ROBO2: variants seen among roughly 807,000 people sequenced by gnomAD.
ROBO2 encodes the protein roundabout homolog 2.
ROBO2 carries 53 observed loss-of-function variants against 160.8 expected under a neutral mutation model. That is an observed-to-expected ratio of 0.33 (90% CI 0.26 to 0.41). ROBO2 has a LOEUF of 0.41. Among genes scored for constraint, ROBO2 ranks in the 10% least tolerant of loss-of-function variants. ROBO2 has a pLI of 1.00. For synonymous variants in ROBO2, 664 were observed against 611.7 expected, an observed-to-expected ratio of 1.09 and a Z score of -1.26; for missense variants, 1,577 against 1,722.4, an observed-to-expected ratio of 0.92 and a Z score of 1.49.
intron 2 of ROBO2, among the ~76,000 whole-genome samples, chr3:76,401,504 C>T (rs1273191819): frequency 1.3e-5 from 2 of 151,426 alleles, no homozygotes; most frequent in East Asian, 3.9e-4. Flanking sequence ...TTGAAACAGG[C>T]TTTTAACAAA....
chr3:77,484,126 TA>T, intron 4 of ROBO2, among the ~76,000 whole-genome samples: 1 of 152,122 alleles, frequency 6.6e-6, no homozygotes, highest in Non-Finnish European at 1.5e-5. Flanking sequence ...GGTCATGAAA[TA>T]ACATCCTAAT....
intron 2 of ROBO2, among the ~76,000 whole-genome samples, chr3:77,246,740 C>T (rs765046228): frequency 6.6e-6 from 1 of 152,148 alleles, no homozygotes; most frequent in Non-Finnish European, 1.5e-5. Context: ...TGAAAGCTAT[C>T]AAGCAAGCAA....
chr3:76,962,877 A>G (rs2079776653), intron 2 of ROBO2, among the ~76,000 whole-genome samples: 1 of 152,170 alleles, frequency 6.6e-6, no homozygotes, highest in Non-Finnish European at 1.5e-5. Flanking sequence ...ACAGTCTCTG[A>G]CTTCTGCAAG....
chr3:76,194,353 A>ATAGATATATATAT (rs1553672736), intron 2 of ROBO2, among the ~76,000 whole-genome samples: 4 of 94,530 alleles, frequency 4.2e-5, no homozygotes, highest in Admixed American at 1.1e-4. Context: ...ATGGTGTGTA[A>ATAGATATATATAT]ATATATATAT....
At chr3:76,715,607 A>G (rs2093367032) in intron 2 of ROBO2, among the ~76,000 whole-genome samples, 2 of 152,212 alleles carry the variant, frequency 1.3e-5, no homozygotes, top group Non-Finnish European at 2.9e-5. Context: ...AATGTGTGTC[A>G]TGTGGAAAGC....
At chr3:76,693,109 A>G (rs2092842992) in intron 2 of ROBO2, among the ~76,000 whole-genome samples, 1 of 149,770 alleles carries the variant, frequency 6.7e-6, no homozygotes, top group Non-Finnish European at 1.5e-5. Context: ...ACATATCCCT[A>G]TATATGTATG....
chr3:75,992,860 GA>G (rs1444620510), intron 2 of ROBO2, among the ~76,000 whole-genome samples: 1 of 152,192 alleles, frequency 6.6e-6, no homozygotes, highest in Non-Finnish European at 1.5e-5. Flanking sequence ...AGTCAAAGGA[GA>G]TCACTTTGGA....
intron 2 of ROBO2, among the ~76,000 whole-genome samples, chr3:76,560,791 A>C (rs2108487397): frequency 6.6e-6 from 1 of 150,692 alleles, no homozygotes; most frequent in African/African-American, 2.4e-5. Flanking sequence ...AAAATCTTTC[A>C]AACCATTTTT....
At chr3:76,304,480 AGCTAAT>A (rs1246603919) in intron 2 of ROBO2, among the ~76,000 whole-genome samples, 5 of 152,228 alleles carry the variant, frequency 3.3e-5, no homozygotes, top group Non-Finnish European at 5.9e-5. Context: ...AGAGTTATGA[AGCTAAT>A]GCTAATGCTA....
At chr3:77,524,528 T>C (rs1483715593) in intron 6 of ROBO2, among the ~76,000 whole-genome samples, 2 of 151,258 alleles carry the variant, frequency 1.3e-5, no homozygotes, top group African/African-American at 2.4e-5. Context: ...ATCCGAAAAA[T>C]ATTTGCTGAC....
chr3:76,531,430 C>G (rs2082218069), intron 2 of ROBO2, among the ~76,000 whole-genome samples: 2 of 151,986 alleles, frequency 1.3e-5, no homozygotes. Context: ...TCATTCAAAG[C>G]CAAATTCTTT....
intron 2 of ROBO2, among the ~76,000 whole-genome samples, chr3:77,291,227 T>G (rs1377631490): frequency 7.0e-6 from 1 of 142,712 alleles, no homozygotes; most frequent in Non-Finnish European, 1.5e-5. Flanking sequence ...GCTAGAGCAC[T>G]AAAGACATAA....
At chr3:76,761,733 CAATA>C (rs1270615143) in intron 2 of ROBO2, among the ~76,000 whole-genome samples, 16 of 151,638 alleles carry the variant, frequency 1.1e-4, no homozygotes, top group African/African-American at 3.4e-4. Flanking sequence ...TTGTATAATG[CAATA>C]AATAGTCAAC....
intron 2 of ROBO2, among the ~76,000 whole-genome samples, chr3:76,197,540 AT>A (rs568160530): frequency 1.0e-3 from 155 of 152,244 alleles, no homozygotes; most frequent in Non-Finnish European, 1.7e-3. Context: ...GAGTTAATCA[AT>A]TTCTCTTTAG....
intron 14 of ROBO2, among the ~76,000 whole-genome samples, chr3:77,576,392 G>A (rs948409567): frequency 4.6e-5 from 7 of 152,060 alleles, no homozygotes; most frequent in Non-Finnish European, 8.8e-5. Flanking sequence ...ACTAAACCAT[G>A]TAGAGCTATG....
intron 2 of ROBO2, among the ~76,000 whole-genome samples, chr3:76,065,477 A>G (rs540548331): frequency 1.7e-3 from 261 of 152,094 alleles, no homozygotes; most frequent in South Asian, 2.7e-3. Context: ...GTTGGCCACT[A>G]ATTAACTGTA....
rs115386484 is a variant in ROBO2, at chr3:76,966,403, G to T, written c.110-131611G>T. ...CTGTGAGAAACTGAGTCATAATGTA[G>T]TTAAATACAATTTCCCAAAATCATA... On this transcript the variant is annotated intron_variant, in intron 2 of 26. Coordinates refer to the ROBO2 transcript ENST00000487694. Among the ~76,000 whole-genome samples the T allele has an allele frequency of 5.7e-3, 868 of 152,202 alleles. 7 individuals carry two copies. Among genetic ancestry groups the T allele is most frequent in the African/African-American group, 0.02 (836 of 41,506 alleles).
chr3:76,522,468 G>C (rs2081680105), intron 2 of ROBO2, among the ~76,000 whole-genome samples: 1 of 152,052 alleles, frequency 6.6e-6, no homozygotes, highest in Non-Finnish European at 1.5e-5. Flanking sequence ...AAATTAATTT[G>C]AAAAGTAAAA....
At chr3:77,197,681 T>A (rs1560212235) in intron 2 of ROBO2, among the ~76,000 whole-genome samples, 1 of 152,316 alleles carries the variant, frequency 6.6e-6, no homozygotes, top group East Asian at 1.9e-4. Flanking sequence ...CTAGACAGAA[T>A]AAAGGTCTCT....
Sources: allele counts gnomAD v4.1 joint callset (sites outside exome capture counted in the v4.1 genomes callset), GRCh38; gene constraint gnomAD v4.1.1; transcripts MANE v1.5; gene names NCBI Gene and HGNC (gene_info 2026-07-23, HGNC 2026-07-21).